OPLAH: variants seen among roughly 807,000 people sequenced by gnomAD.
OPLAH encodes the protein 5-oxoprolinase.
Under a neutral mutation model 122.8 loss-of-function variants are expected in OPLAH, and 103 were observed. That is an observed-to-expected ratio of 0.84 (90% CI 0.71 to 0.99). The LOEUF (loss-of-function observed/expected upper bound fraction) is 0.99. Ranked by LOEUF, OPLAH falls within the 50% of genes least tolerant of loss-of-function variation. The probability of loss-of-function intolerance (pLI) is 0.00; values close to 1 mark genes in which losing one functional copy is unlikely to be tolerated. For synonymous variants in OPLAH, 875 were observed against 796.0 expected (o/e 1.10, Z -1.67); for missense variants, 1,902 against 1,836.5 (o/e 1.04, Z -0.65).
chr8:144,056,711 C>A lies in OPLAH; in HGVS notation c.1751G>T (p.Gly584Val). ...AGACACCATCAGAGCACAGTCCGTG[C>A]CCTGGTAGCGCAGGTGCAGGAAGCT... is the stretch of plus-strand genomic sequence containing the variant. The part of the protein sequence containing the change: ...TESFLHLRYQ[G>V]TDCALMVSAH... The change falls in exon 13 of 27, where the codon GGC (glycine) becomes GTC (valine). Residue 584 changes from glycine to valine, a missense_variant. Transcript: ENST00000618853. The A allele has an allele frequency of 6.2e-7, 1 of 1,611,262 alleles. No individual in the cohort carries two copies. The highest frequency in any genetic ancestry group is 1.3e-5 in the African/African-American group (1 of 75,034).
At chr8:144,052,103 A>G (rs781908477) in intron 24 of OPLAH, 27 bp from the exon 25 acceptor site, 1 of 1,563,220 alleles carries the variant, frequency 6.4e-7, no homozygotes, top group Middle Eastern at 1.7e-4. Flanking sequence ...GAGGGCAAAG[A>G]CTCAGCGTGG....
intron 22 of OPLAH, 76 bp from the exon 23 acceptor site, chr8:144,052,674 C>T: frequency 6.5e-7 from 1 of 1,534,232 alleles, no homozygotes. Context: ...CCCGCCCCAG[C>T]ACCCGTGGGG....
intron 17 of OPLAH, 50 bp downstream of exon 17, chr8:144,054,979 G>T (rs782039049): frequency 1.9e-6 from 2 of 1,065,570 alleles, no homozygotes; most frequent in South Asian, 1.8e-5. Context: ...GTGGGGGGGG[G>T]GTGGAGGGTG....
chr8:144,055,667 A>G lies in OPLAH; in HGVS notation c.2248+121T>C. 1 of 1,242,972 alleles carries G rather than the reference A, an allele frequency of 8.0e-7. No homozygotes were observed. The highest frequency in any genetic ancestry group is 1.7e-5 in the South Asian group (1 of 57,630). 77.0% of individuals were successfully genotyped at this position (1,242,972 alleles called of 1,614,324 possible). A position where few individuals can be genotyped will look rare whatever the true frequency, so the allele number is the denominator to read the frequency against. ...TGCACCACACCAGTGCTGCGGCCAC[A>G]CTGCCCGCCCCGTCGCCAGGGGGTC... On this transcript the variant is annotated intron_variant, in intron 16 of 26. Transcript: ENST00000618853. The surrounding 1 kb of genome is among the most constrained non-coding windows in gnomAD (Gnocchi z 6.5).
chr8:144,062,367 C>T (rs190393519), upstream of OPLAH, among the ~76,000 whole-genome samples: 504 of 152,192 alleles, frequency 3.3e-3, 3 homozygotes, highest in African/African-American at 0.012. Flanking sequence ...AGACCCCATG[C>T]CCATGGACCT....
Position 144,055,868 on chromosome 8 carries a change from G to C in OPLAH, c.2168C>G (p.Ala723Gly). Reference sequence around the variant, plus strand: ...GGGGCCCACTGTGCCGGGGACTTCGGCCCCCACGGAGATGCAGATGTCCCC... The same window carrying C: ...GGGGCCCACTGTGCCGGGGACTTCGCCCCCCACGGAGATGCAGATGTCCCC... ...KTGDICISVG[A>G]EVPGTVGPQL... Residue 723 changes from alanine to glycine, a missense_variant, in exon 16 of 27, where the codon GCC becomes GGC. Physicochemically the swap from Ala to Gly is moderately conservative, Grantham distance 60. Coordinates refer to ENST00000618853, the MANE Select transcript of OPLAH (RefSeq NM_017570.5). This position sits in a 1 kb window ranked among gnomAD's most constrained non-coding sequence, Gnocchi z 6.5. The C allele has an allele frequency of 6.3e-7, 1 of 1,581,364 alleles. No individual in the cohort carries two copies. Among genetic ancestry groups the C allele is most frequent in the East Asian group, 2.3e-5 (1 of 43,064 alleles).
downstream of OPLAH, chr8:144,050,755 T>C (rs546575197): frequency 8.3e-5 from 82 of 986,418 alleles, no homozygotes; most frequent in African/African-American, 1.3e-3. Flanking sequence ...CGCCGTCGGC[T>C]GAGGCTCTGG....
intron 19 of OPLAH, 26 bp from the exon 20 acceptor site, chr8:144,053,419 C>A: frequency 6.3e-7 from 1 of 1,582,910 alleles, no homozygotes; most frequent in Non-Finnish European, 8.6e-7. Flanking sequence ...CATCACTGAG[C>A]CCCTGGCCAA....
chr8:144,056,901 G>A, intron 12 of OPLAH, 47 bp downstream of exon 12: 1 of 1,532,538 alleles, frequency 6.5e-7, no homozygotes, highest in Non-Finnish European at 8.8e-7. Context: ...CCAAGGGCGT[G>A]GTGAGGACAA....
intron 19 of OPLAH, among the ~76,000 whole-genome samples, chr8:144,053,762 C>T (rs1009909515): frequency 6.6e-6 from 1 of 151,978 alleles, no homozygotes; most frequent in Non-Finnish European, 1.5e-5. Context: ...CGCCACTTCC[C>T]CTGGGCTCCC....
At position 144,053,107 on chromosome 8, in the gene OPLAH, C is replaced by T. The variant is rs540094671; in HGVS notation, c.2894G>A (p.Arg965Gln). 2.0e-5 allele frequency: 32 copies of T among 1,606,568 alleles called. No homozygotes were observed. The East Asian group carries it at 4.5e-4, about 23-fold the overall frequency. Residue 965 changes from arginine to glutamine, a missense_variant, in exon 21 of 27, where the codon CGA becomes CAA. By Grantham distance (43) the Arg-to-Gln change is conservative. Around this residue, in one of 3 missense-constraint regions of OPLAH, gnomAD observed 1,726 missense variants for 1,642.1 expected, o/e 1.05. Transcript: ENST00000618853. ...HIQANAELAV[R>Q]DMLRAFGTSR... ...GGTTCCAAAGGCACGCAACATGTCT[C>T]GCACGGCCAGCTCAGCGTTTGCCTG...
chr8:144,053,495 C>G lies in OPLAH; in HGVS notation c.2687-102G>C. 3.4e-6 allele frequency: 4 copies of G among 1,187,070 alleles called. No individual in the cohort carries two copies. In the South Asian group the frequency reaches 4.4e-5, roughly 13 times the overall value. The allele number at this position is 1,187,070 out of a possible 1,614,324, so 73.5% of individuals were successfully genotyped here. The stretch of plus-strand genomic sequence containing the variant: ...AAGGTCTCTGGCCCCTAGAAAGCAC[C>G]GAGGCCTGGCCTGGGACTGCTCAGC... On this transcript the variant is annotated intron_variant, in intron 19 of 26. Coordinates refer to ENST00000618853, the MANE Select transcript of OPLAH (RefSeq NM_017570.5).
Position 144,052,438 on chromosome 8 carries a change from C to T in OPLAH, c.3303+11G>A, listed in dbSNP as rs1835404389. On this transcript the variant is annotated intron_variant, in intron 23 of 26. Coordinates refer to ENST00000618853, the MANE Select transcript of OPLAH (RefSeq NM_017570.5). ...GTCCGCCCCCGAGCTGCGCCCACCC[C>T]GCCCCCGCACCTGGGAGGCGGCGCA... The T allele has an allele frequency of 6.5e-7, 1 of 1,533,440 alleles. No homozygotes were observed. The highest frequency in any genetic ancestry group is 8.7e-7 in the Non-Finnish European group (1 of 1,144,840). 95.0% of individuals were successfully genotyped at this position (1,533,440 alleles called of 1,614,324 possible).
In OPLAH at chr8:144,054,797, G is replaced by A; in HGVS notation, c.2511+15C>T. 6.2e-7 allele frequency: 1 copy of A among 1,612,104 alleles called. No individual in the cohort carries two copies. The highest frequency in any genetic ancestry group is 8.5e-7 in the Non-Finnish European group (1 of 1,179,790). Reference sequence around the variant, plus strand: ...ACCACTGCCCCAGCAGAGGCAGGCGGGCAGCACCCCTCACCGGTGTGATAA... The same window carrying A: ...ACCACTGCCCCAGCAGAGGCAGGCGAGCAGCACCCCTCACCGGTGTGATAA... On this transcript the variant is annotated intron_variant, in intron 18 of 26. Coordinates refer to ENST00000618853, the MANE Select transcript of OPLAH (RefSeq NM_017570.5).
In OPLAH at chr8:144,051,740, C is replaced by T. The variant is rs782533216; in HGVS notation, c.3709G>A (p.Val1237Met). ...GCCGCGGCCCTTACCCCGGGGTACA[C>T]GGTCACCGACGTCTTGCCGCCCAGA... Reference protein sequence around the residue: ...VNLGGKTSVTVYPGDVFCLHT... With the variant: ...VNLGGKTSVTMYPGDVFCLHT... The change falls in exon 26 of 27, where the codon GTG (valine) becomes ATG (methionine). Residue 1237 changes from valine (V) to methionine (M), a missense_variant. Physicochemically the swap from Val to Met is conservative, Grantham distance 21 (BLOSUM62 1). Around this residue, in one of 3 missense-constraint regions of OPLAH, gnomAD observed 1,726 missense variants for 1,642.1 expected, o/e 1.05. Coordinates refer to ENST00000618853, the MANE Select transcript of OPLAH (RefSeq NM_017570.5). 8.7e-6 allele frequency: 14 copies of T among 1,603,734 alleles called. No homozygotes were observed. The Admixed American group carries it at 1.8e-4, about 21-fold the overall frequency.
In OPLAH at chr8:144,058,396, C is replaced by G; in HGVS notation, c.792G>C (p.Gln264His). Residue 264 changes from glutamine (Q) to histidine (H), a missense_variant, in exon 7 of 27, where the codon CAG (glutamine) becomes CAC (histidine). Physicochemically the swap from Gln to His is conservative, Grantham distance 24. Around this residue, in one of 3 missense-constraint regions of OPLAH, gnomAD observed 1,726 missense variants for 1,642.1 expected, o/e 1.05. Transcript: ENST00000618853. ...RGFQGQLKDV[Q>H]VLFMRSDGGL... ...CGCCATCGGAGCGCATGAACAACAC[C>G]TGCACATCCTGCGAGCGGGCAGCAG... is the stretch of plus-strand genomic sequence containing the variant. 1 of 1,589,566 alleles carries G rather than the reference C, an allele frequency of 6.3e-7. No individual in the cohort carries two copies. Among genetic ancestry groups the G allele is most frequent in the Non-Finnish European group, 8.5e-7 (1 of 1,172,268 alleles).
intron 9 of OPLAH, 37 bp downstream of exon 9, chr8:144,057,819 G>A (rs782135353): frequency 2.3e-5 from 37 of 1,605,480 alleles, no homozygotes; most frequent in East Asian, 9.0e-5. Flanking sequence ...GCGGCAAGCG[G>A]AGGGCAAGGC....
intron 26 of OPLAH, 50 bp downstream of exon 26, chr8:144,051,679 G>T: frequency 7.1e-7 from 1 of 1,418,374 alleles, no homozygotes; most frequent in Non-Finnish European, 9.7e-7. Flanking sequence ...GTGGGATGGG[G>T]CCGGGAGGGG....
rs781876725 is a variant in OPLAH at position 144,057,191 on chromosome 8, C to T, written c.1535+17G>A. 4 of 1,608,762 alleles carry T rather than the reference C, an allele frequency of 2.5e-6. No homozygotes were observed. The highest frequency in any genetic ancestry group is 2.2e-5 in the East Asian group (1 of 44,748). On this transcript the variant is annotated intron_variant, in intron 11 of 26. Coordinates refer to ENST00000618853, the MANE Select transcript of OPLAH (RefSeq NM_017570.5). Reference sequence around the variant, plus strand: ...GCGCAGATCACACCACCTCCGTGCACCCACACCCAGGCCCACCTGTGGATG... The same window carrying T: ...GCGCAGATCACACCACCTCCGTGCATCCACACCCAGGCCCACCTGTGGATG...
Sources: allele counts gnomAD v4.1 joint callset (sites outside exome capture counted in the v4.1 genomes callset), GRCh38; gene constraint gnomAD v4.1.1; regional missense constraint gnomAD v4.1.1; non-coding constraint Gnocchi (gnomAD v3.1); transcripts MANE v1.5; gene names NCBI Gene and HGNC (gene_info 2026-07-23, HGNC 2026-07-21).